Variants in CCDC171 observed in about 807,000 individuals in gnomAD.
CCDC171 encodes the protein coiled-coil domain-containing protein 171.
CCDC171 carries 177 observed loss-of-function variants against 168.2 expected under a neutral mutation model. That is an observed-to-expected ratio of 1.05 (90% CI 0.93 to 1.19). The LOEUF is 1.19. CCDC171 is among the 50% of genes most tolerant of loss of function. CCDC171 has a pLI of 0.00. For synonymous variants in CCDC171, 687 were observed against 540.8 expected (o/e 1.27, Z -3.75); for missense variants, 1,991 against 1,539.0 (o/e 1.29, Z -4.91).
At chr9:15,700,504 G>A (rs1468655746) in intron 11 of CCDC171, among the ~76,000 whole-genome samples, 6 of 152,258 alleles carry the variant, frequency 3.9e-5, no homozygotes, top group Non-Finnish European at 7.3e-5. Flanking sequence ...GCAGCGGTGG[G>A]CTGAAGGGCT....
rs371325845 is a variant in CCDC171 at position 15,920,685 on chromosome 9, A to G, written c.3753+263A>G. On this transcript the variant is annotated intron_variant, in intron 25 of 25. Transcript: ENST00000380701. ...AAGATTCCTTTGTGTTTGGCAGTGC[A>G]GCTGACAGTTGAATTTGGCAGTATG... Among the ~76,000 whole-genome samples, 7 of 151,904 alleles carry G rather than the reference A, an allele frequency of 4.6e-5. No homozygotes were observed. The East Asian group carries it at 1.4e-3, about 29-fold the overall frequency.
At chr9:15,560,703 T>C (rs544597671) in intron 1 of CCDC171, among the ~76,000 whole-genome samples, 1 of 152,266 alleles carries the variant, frequency 6.6e-6, no homozygotes, top group East Asian at 1.9e-4. Context: ...AAGTTTATTA[T>C]TACCCATCGT....
chr9:15,665,809 T>A (rs2048694325), intron 8 of CCDC171, among the ~76,000 whole-genome samples: 1 of 152,174 alleles, frequency 6.6e-6, no homozygotes, highest in African/African-American at 2.4e-5. Flanking sequence ...TAATTTATTA[T>A]ATTTTATAAA....
the CCDC171 span, among the ~76,000 whole-genome samples, chr9:16,104,002 A>G: frequency 1.1e-3 from 168 of 152,234 alleles, no homozygotes; most frequent in Non-Finnish European, 1.3e-3. Flanking sequence ...TGGGTCTCCT[A>G]AGGTTTCCTC....
intron 16 of CCDC171, among the ~76,000 whole-genome samples, chr9:15,735,425 A>T (rs2054429685): frequency 6.6e-6 from 1 of 152,176 alleles, no homozygotes; most frequent in South Asian, 2.1e-4. Flanking sequence ...CTTCCTTTCT[A>T]GAAGTAAAGT....
intron 25 of CCDC171, among the ~76,000 whole-genome samples, chr9:15,970,855 G>T (rs561609778): frequency 9.9e-5 from 15 of 152,256 alleles, no homozygotes; most frequent in African/African-American, 3.6e-4. Flanking sequence ...GAGCACCAGG[G>T]ACTATGAGAG....
At chr9:15,986,788 T>C (rs1236710365) in intron 3 of CCDC171, among the ~76,000 whole-genome samples, 1 of 152,194 alleles carries the variant, frequency 6.6e-6, no homozygotes, top group Non-Finnish European at 1.5e-5. Context: ...TATATGGTCA[T>C]TAACACAGAT....
rs2059706510 is a variant in CCDC171 at position 15,820,063 on chromosome 9, A to C, written c.3268-26639A>C. On this transcript the variant is annotated intron_variant, in intron 21 of 25. Coordinates refer to ENST00000380701, the MANE Select transcript of CCDC171 (RefSeq NM_173550.4). Reference sequence around the variant, plus strand: ...ACTCAAAACTGCTCAACTACAGGGAAACTGAACAGCCTGCTCCTGAATGAC... The same window carrying C: ...ACTCAAAACTGCTCAACTACAGGGACACTGAACAGCCTGCTCCTGAATGAC... 3.4e-5 allele frequency among the ~76,000 whole-genome samples: 4 copies of C among 117,962 alleles called. 1 individual carries two copies. The highest frequency in any genetic ancestry group is 9.6e-5 in the African/African-American group (3 of 31,328). 77.4% of individuals were successfully genotyped at this position (117,962 alleles called of 152,430 possible).
At chr9:15,608,972 A>AAAAAAG (rs2043439483) in intron 6 of CCDC171, among the ~76,000 whole-genome samples, 18 of 146,346 alleles carry the variant, frequency 1.2e-4, no homozygotes, top group East Asian at 2.0e-4. Flanking sequence ...AAAAAAAAAA[A>AAAAAAG]GAGTGGTTTT....
At chr9:15,863,692 G>C (rs2061655190) in intron 23 of CCDC171, among the ~76,000 whole-genome samples, 1 of 151,892 alleles carries the variant, frequency 6.6e-6, no homozygotes. Context: ...TTGATTTAAA[G>C]TACTTATGTG....
chr9:15,991,992 C>T (rs1350095918), intron 3 of CCDC171, among the ~76,000 whole-genome samples: 1 of 152,162 alleles, frequency 6.6e-6, no homozygotes, highest in African/African-American at 2.4e-5. Flanking sequence ...CCAAATTCTA[C>T]CAGAGGTACA....
chr9:16,072,438 A>C, the CCDC171 span, among the ~76,000 whole-genome samples: 13 of 152,118 alleles, frequency 8.5e-5, no homozygotes, highest in African/African-American at 3.1e-4. Flanking sequence ...ACCTTTTCCA[A>C]ATGACCTCTG....
At chr9:15,798,113 G>T (rs767319722) in intron 21 of CCDC171, among the ~76,000 whole-genome samples, 65 of 151,870 alleles carry the variant, frequency 4.3e-4, no homozygotes, top group Non-Finnish European at 7.4e-4. Flanking sequence ...CTCTTTTTTT[G>T]GAACTGTATT....
At chr9:15,905,061 A>T (rs10756716) in intron 24 of CCDC171, among the ~76,000 whole-genome samples, 1 of 143,682 alleles carries the variant, frequency 7.0e-6, no homozygotes, top group African/African-American at 2.6e-5. Context: ...AGACTCCCAC[A>T]CAATAATAAT....
chr9:15,984,296 T>G (rs941853401), intron 3 of CCDC171, among the ~76,000 whole-genome samples: 8 of 132,774 alleles, frequency 6.0e-5, no homozygotes, highest in African/African-American at 2.3e-4. Context: ...AGAGAGGACT[T>G]AAAAGATGAT....
intron 18 of CCDC171, among the ~76,000 whole-genome samples, chr9:15,758,632 A>G (rs935032228): frequency 4.3e-4 from 65 of 152,250 alleles, no homozygotes; most frequent in Middle Eastern, 3.4e-3. Flanking sequence ...GGGTGGAATG[A>G]TATGGATTGG....
At chr9:15,866,451 G>A (rs988536129) in intron 23 of CCDC171, among the ~76,000 whole-genome samples, 2 of 151,982 alleles carry the variant, frequency 1.3e-5, no homozygotes, top group African/African-American at 2.4e-5. Flanking sequence ...GGCATATGAT[G>A]ATGAGAAAGA....
intron 21 of CCDC171, among the ~76,000 whole-genome samples, chr9:15,785,762 C>G (rs2057917360): frequency 6.6e-6 from 1 of 152,042 alleles, no homozygotes; most frequent in Non-Finnish European, 1.5e-5. Flanking sequence ...CATCTGTCTT[C>G]CTAACCACCA....
intron 1 of CCDC171, among the ~76,000 whole-genome samples, chr9:16,055,492 G>A (rs562450510): frequency 5.7e-4 from 87 of 152,312 alleles, no homozygotes; most frequent in Non-Finnish European, 1.0e-3. Flanking sequence ...AGCTTTCTGT[G>A]AGAGTGTGCC....
Sources: allele counts gnomAD v4.1 joint callset (sites outside exome capture counted in the v4.1 genomes callset), GRCh38; gene constraint gnomAD v4.1.1; transcripts MANE v1.5; gene names NCBI Gene and HGNC (gene_info 2026-07-23, HGNC 2026-07-21).